SPAST: variants seen among roughly 807,000 people sequenced by gnomAD.
The protein encoded by SPAST is spastic paraplegia 4 (autosomal dominant; spastin).
A neutral mutation model predicts 76.6 loss-of-function variants in SPAST; 30 were observed. The observed-to-expected ratio is 0.39, with a 90% CI of 0.29 to 0.53. The LOEUF (loss-of-function observed/expected upper bound fraction) is 0.53, where lower values mean the gene tolerates loss of function less well. Ranked by LOEUF, SPAST falls within the 20% of genes least tolerant of loss-of-function variation. The pLI is 0.68. For missense variants in SPAST, 717 were observed against 770.5 expected (o/e 0.93, Z 0.82); for synonymous variants, 305 against 281.0 (o/e 1.09, Z -0.86).
chr2:32,064,315 A>G, intron 1 of SPAST, 69 bp downstream of exon 1: 1 of 1,292,130 alleles, frequency 7.7e-7, no homozygotes, highest in Non-Finnish European at 1.1e-6. Context: ...GGGGGAGGGC[A>G]ACACCTGCGT....
At chr2:32,111,873 A>T (rs1678620905) in intron 4 of SPAST, among the ~76,000 whole-genome samples, 1 of 151,116 alleles carries the variant, frequency 6.6e-6, no homozygotes, top group African/African-American at 2.4e-5. Flanking sequence ...TCATTCTCAT[A>T]CTTGTTCCTT....
At chr2:32,117,829 G>T (rs913332021) in intron 7 of SPAST, among the ~76,000 whole-genome samples, 2 of 152,090 alleles carry the variant, frequency 1.3e-5, no homozygotes, top group Non-Finnish European at 2.9e-5. Context: ...ACTGTGCCTG[G>T]CATGAAGAAC....
At chr2:32,107,991 T>C (rs1015870895) in intron 4 of SPAST, among the ~76,000 whole-genome samples, 1 of 152,122 alleles carries the variant, frequency 6.6e-6, no homozygotes, top group Non-Finnish European at 1.5e-5. Context: ...ATTGTCCAAT[T>C]TTCTACTCAA....
intron 7 of SPAST, among the ~76,000 whole-genome samples, chr2:32,126,124 G>A (rs1679184419): frequency 6.6e-6 from 1 of 152,128 alleles, no homozygotes; most frequent in Non-Finnish European, 1.5e-5. Context: ...GTTTTTGACT[G>A]CCTGCCTTAC....
intron 4 of SPAST, among the ~76,000 whole-genome samples, chr2:32,107,804 C>T (rs970266972): frequency 6.6e-6 from 1 of 152,124 alleles, no homozygotes. Flanking sequence ...ATTTACACAG[C>T]ATTGATGTTT....
intron 1 of SPAST, among the ~76,000 whole-genome samples, chr2:32,069,194 CAG>C (rs1386252952): frequency 7.0e-6 from 1 of 142,882 alleles, no homozygotes; most frequent in Non-Finnish European, 1.5e-5. Flanking sequence ...GCCTGGGCAA[CAG>C]AGCAAGACTC....
chr2:32,074,448 A>G (rs1676871255), intron 1 of SPAST, among the ~76,000 whole-genome samples: 1 of 151,740 alleles, frequency 6.6e-6, no homozygotes, highest in Non-Finnish European at 1.5e-5. Flanking sequence ...GGTTTAGCTG[A>G]TAGTAGTAGG....
chr2:32,136,030 A>C lies in SPAST; in HGVS notation c.1246-533A>C, dbSNP rs369104607. Among the ~76,000 whole-genome samples, 10 of 151,490 alleles carry C rather than the reference A, an allele frequency of 6.6e-5. No individual in the cohort carries two copies. The South Asian group carries it at 2.1e-3, about 32-fold the overall frequency. On this transcript the variant is annotated intron_variant, in intron 9 of 16. Coordinates refer to ENST00000315285, the MANE Select transcript of SPAST (RefSeq NM_014946.4). ...GAGGCAAAAGTCACAGTGAGCCGAG[A>C]TTGCACCACTGCACTCCAGACTGGG... is the stretch of plus-strand genomic sequence containing the variant.
chr2:32,110,265 C>T (rs933048740), intron 4 of SPAST, among the ~76,000 whole-genome samples: 2 of 148,742 alleles, frequency 1.3e-5, no homozygotes, highest in East Asian at 2.0e-4. Flanking sequence ...ATTACAGGCA[C>T]GTGGCACCAC....
In SPAST at chr2:32,075,425, C is replaced by CA. The variant is rs70938315; in HGVS notation, c.415+11200dup. Among the ~76,000 whole-genome samples, 315 of 65,232 alleles carry CA rather than the reference C, an allele frequency of 4.8e-3. 1 individual carries two copies. Among genetic ancestry groups the CA allele is most frequent in the African/African-American group, 7.9e-3 (126 of 15,978 alleles). 42.8% of individuals were successfully genotyped at this position (65,232 alleles called of 152,430 possible). ...TGGGCCACAGAGCGAGACTCTGTCT[C>CA]AAAAAAAAAAAAAAAAAAAAATTAA... On this transcript the variant is annotated intron_variant, in intron 1 of 16. Coordinates refer to ENST00000315285, the MANE Select transcript of SPAST (RefSeq NM_014946.4).
At chr2:32,146,604 C>T (rs180803573) in intron 15 of SPAST, among the ~76,000 whole-genome samples, 82 of 151,840 alleles carry the variant, frequency 5.4e-4, no homozygotes, top group Non-Finnish European at 7.7e-4. Flanking sequence ...CGGTGGCTCA[C>T]GCCTGTAATC....
intron 9 of SPAST, chr2:32,130,256 A>G (rs1375389925): frequency 2.0e-5 from 3 of 152,074 alleles, no homozygotes; most frequent in South Asian, 2.1e-4. Flanking sequence ...GATCATGCCA[A>G]TGCATTCCAA....
chr2:32,069,223 A>AG (rs2148691271), intron 1 of SPAST, among the ~76,000 whole-genome samples: 1 of 152,038 alleles, frequency 6.6e-6, no homozygotes. Flanking sequence ...TCAAAAAAAA[A>AG]AAAAAAAGAA....
intron 12 of SPAST, 61 bp from the exon 13 acceptor site, chr2:32,141,843 T>C (rs959104023): frequency 1.1e-5 from 15 of 1,309,628 alleles, no homozygotes; most frequent in Non-Finnish European, 1.5e-5. Flanking sequence ...TTCCTGTCAT[T>C]TGCTGTTTCA....
At chr2:32,128,088 G>C (rs146841342) in intron 8 of SPAST, 3,501 of 332,720 alleles carry the variant, frequency 0.011, 37 homozygotes, top group Middle Eastern at 0.031. Context: ...TCTTCCTTCT[G>C]GGTTCAAGCA....
intron 15 of SPAST, 77 bp from the exon 16 acceptor site, chr2:32,147,141 G>T: frequency 1.1e-6 from 1 of 889,454 alleles, no homozygotes; most frequent in Non-Finnish European, 1.9e-6. Flanking sequence ...GTAGATCATT[G>T]TACTTGGTTT....
intron 4 of SPAST, among the ~76,000 whole-genome samples, chr2:32,106,967 A>C (rs1279705846): frequency 2.6e-5 from 4 of 151,224 alleles, no homozygotes; most frequent in African/African-American, 9.8e-5. Flanking sequence ...TTGAGATCCC[A>C]GTAATTCTAC....
In SPAST at chr2:32,063,639, A is replaced by C; in HGVS notation, c.-193A>C. ...CCGAGCCACCGACTGCAGGAGGAGA[A>C]GGGGTTGTGCTCCTGGCCGAGGAAG... On this transcript the variant is annotated 5_prime_UTR_variant, in exon 1 of 17. Coordinates refer to ENST00000315285, the MANE Select transcript of SPAST (RefSeq NM_014946.4). The C allele has an allele frequency of 3.1e-6, 2 of 651,480 alleles. No homozygotes were observed. Among genetic ancestry groups the C allele is most frequent in the Admixed American group, 6.4e-5 (2 of 31,472 alleles). 40.4% of individuals were successfully genotyped at this position (651,480 alleles called of 1,614,324 possible). A position where few individuals can be genotyped will look rare whatever the true frequency, so the allele number is the denominator to read the frequency against.
intron 4 of SPAST, among the ~76,000 whole-genome samples, chr2:32,110,194 C>A (rs980994466): frequency 4.1e-5 from 6 of 147,052 alleles, no homozygotes; most frequent in Non-Finnish European, 8.9e-5. Flanking sequence ...TCTTGGCTTA[C>A]CGCAACCTCT....
Sources: allele counts gnomAD v4.1 joint callset (sites outside exome capture counted in the v4.1 genomes callset), GRCh38; gene constraint gnomAD v4.1.1; transcripts MANE v1.5; gene names NCBI Gene and HGNC (gene_info 2026-07-23, HGNC 2026-07-21).